Variants in ST18 observed in about 807,000 individuals in gnomAD.
ST18 encodes suppression of tumorigenicity 18 protein.
A neutral mutation model predicts 110.0 loss-of-function variants in ST18; 50 were observed. The ratio of observed to expected loss-of-function variants is 0.45; its 90% CI spans 0.36 to 0.58. The LOEUF is 0.58. ST18 is among the 20% of genes least tolerant of loss of function. The pLI, the probability that ST18 is intolerant of heterozygous loss-of-function variation, is 0.00. For missense variants in ST18, 1,306 were observed against 1,280.1 expected (o/e 1.02, Z -0.31); for synonymous variants, 461 against 452.4 (o/e 1.02, Z -0.24).
intron 2 of ST18, among the ~76,000 whole-genome samples, chr8:52,356,407 A>G (rs765776336): frequency 6.6e-6 from 1 of 152,160 alleles, no homozygotes; most frequent in Non-Finnish European, 1.5e-5. Flanking sequence ...TACACACACA[A>G]AGTCAGACTT....
At chr8:52,315,828 C>T (rs1351261846) in intron 2 of ST18, among the ~76,000 whole-genome samples, 3 of 152,180 alleles carry the variant, frequency 2.0e-5, no homozygotes, top group Non-Finnish European at 4.4e-5. Context: ...ATATACCTCC[C>T]TATTATTTGC....
In ST18 at chr8:52,171,962, T is replaced by C. The variant is rs1446753409; in HGVS notation, c.899A>G (p.Lys300Arg). 1.9e-6 allele frequency: 3 copies of C among 1,614,202 alleles called. No individual in the cohort carries two copies. Among genetic ancestry groups the C allele is most frequent in the East Asian group, 2.2e-5 (1 of 44,880 alleles). ...TEEGSDLEKA[K>R]GNLSLLEQAI... Reference sequence around the variant, plus strand: ...CTGCTCCAGCAAACTTAAATTCCCCTTGGCCTTTTCCAGGTCACTACCCTC... The same window carrying C: ...CTGCTCCAGCAAACTTAAATTCCCCCTGGCCTTTTCCAGGTCACTACCCTC... Residue 300 changes from lysine to arginine, a missense_variant, in exon 10 of 26, where the codon AAG becomes AGG. Physicochemically the swap from Lys to Arg is conservative, Grantham distance 26. Coordinates refer to ENST00000689386, the MANE Select transcript of ST18 (RefSeq NM_001352837.2).
At chr8:52,145,332 T>C (rs1403921533) in intron 16 of ST18, among the ~76,000 whole-genome samples, 2 of 152,176 alleles carry the variant, frequency 1.3e-5, no homozygotes, top group African/African-American at 2.4e-5. Flanking sequence ...TATAGTAATA[T>C]GTGGTAATGT....
intron 3 of ST18, among the ~76,000 whole-genome samples, chr8:52,223,374 T>C (rs538269390): frequency 2.6e-5 from 4 of 152,234 alleles, no homozygotes; most frequent in Non-Finnish European, 4.4e-5. Flanking sequence ...CCAGGTGTGG[T>C]GGCTCACGCC....
chr8:52,386,116 T>G lies in ST18; in HGVS notation c.-465+23212A>C, dbSNP rs916359960. ...TCCTTCATCACAGGAAAACTATAGA[T>G]AGTAGAAACGTCCATCCAATGAGAA... On this transcript the variant is annotated intron_variant, in intron 2 of 25. Transcript: ENST00000689386. Among the ~76,000 whole-genome samples, 3 of 152,144 alleles carry G rather than the reference T, an allele frequency of 2.0e-5. No individual in the cohort carries two copies. The East Asian group carries it at 5.8e-4, about 29-fold the overall frequency.
At chr8:52,158,819 T>C in intron 15 of ST18, 79 bp downstream of exon 15, 3 of 1,496,046 alleles carry the variant, frequency 2.0e-6, no homozygotes, top group Non-Finnish European at 2.8e-6. Flanking sequence ...TGGTAGTGAA[T>C]GTAGTTAGGA....
At chr8:52,380,205 C>T (rs919737573) in intron 2 of ST18, among the ~76,000 whole-genome samples, 15 of 152,132 alleles carry the variant, frequency 9.9e-5, no homozygotes, top group African/African-American at 3.6e-4. Flanking sequence ...CCATTTCAGA[C>T]AAATCATCTT....
intron 2 of ST18, among the ~76,000 whole-genome samples, chr8:52,338,480 A>G (rs1172134010): frequency 6.6e-6 from 1 of 152,104 alleles, no homozygotes; most frequent in East Asian, 1.9e-4. Flanking sequence ...TCCAAGGTAG[A>G]TTGGTACATC....
At chr8:52,337,638 T>C (rs553421934) in intron 2 of ST18, among the ~76,000 whole-genome samples, 66 of 152,320 alleles carry the variant, frequency 4.3e-4, no homozygotes, top group Admixed American at 1.4e-3. Context: ...CCCAGAAAGA[T>C]ATATCACATG....
intron 2 of ST18, chr8:52,404,806 T>G (rs756036197): frequency 5.3e-5 from 8 of 152,256 alleles, no homozygotes; most frequent in Non-Finnish European, 7.3e-5. Flanking sequence ...ATGCTCATAC[T>G]GTTTTTCTAT....
intron 2 of ST18, among the ~76,000 whole-genome samples, chr8:52,335,793 A>G (rs745801110): frequency 5.9e-5 from 9 of 152,084 alleles, no homozygotes; most frequent in South Asian, 2.1e-4. Context: ...TCCTGATTGG[A>G]TATCCTCTCT....
intron 22 of ST18, among the ~76,000 whole-genome samples, chr8:52,128,704 A>G (rs193025345): frequency 1.2e-4 from 19 of 152,324 alleles, no homozygotes; most frequent in Admixed American, 1.2e-3. Context: ...TGCCTGGCCC[A>G]TGGTGAGGAC....
At chr8:52,138,366 C>A (rs1319464724) in intron 17 of ST18, among the ~76,000 whole-genome samples, 1 of 152,168 alleles carries the variant, frequency 6.6e-6, no homozygotes, top group Non-Finnish European at 1.5e-5. Flanking sequence ...GGCCATCTGC[C>A]AAGAATCTCA....
At chr8:52,358,919 AC>A (rs1824389890) in intron 2 of ST18, among the ~76,000 whole-genome samples, 1 of 151,998 alleles carries the variant, frequency 6.6e-6, no homozygotes. Flanking sequence ...GAAGAAAAAA[AC>A]AAAAACCTAT....
At chr8:52,116,515 C>A in intron 24 of ST18, 97 bp from the exon 25 acceptor site, 1 of 1,226,010 alleles carries the variant, frequency 8.2e-7, no homozygotes, top group Admixed American at 2.1e-5. Context: ...CATCTGAATA[C>A]TAAGAGATGC....
At chr8:52,370,270 G>T (rs1829778649) in intron 2 of ST18, among the ~76,000 whole-genome samples, 1 of 152,120 alleles carries the variant, frequency 6.6e-6, no homozygotes, top group Admixed American at 6.5e-5. Context: ...GGCCAAAGTA[G>T]GTTAAGCTCT....
intron 9 of ST18, among the ~76,000 whole-genome samples, chr8:52,176,027 C>G (rs981820184): frequency 1.8e-4 from 26 of 145,438 alleles, no homozygotes; most frequent in Admixed American, 1.6e-3. Context: ...TCAGCTAACT[C>G]TTTTTTTTTT....
At chr8:52,382,146 A>G (rs1389431102) in intron 2 of ST18, among the ~76,000 whole-genome samples, 5 of 152,138 alleles carry the variant, frequency 3.3e-5, no homozygotes, top group Non-Finnish European at 7.4e-5. Context: ...TGGCACCCAA[A>G]CCTGGCAGAG....
At chr8:52,376,563 C>T (rs186182172) in intron 2 of ST18, among the ~76,000 whole-genome samples, 43 of 152,118 alleles carry the variant, frequency 2.8e-4, no homozygotes, top group South Asian at 8.3e-4. Context: ...CTATAGTACT[C>T]ATCATCTTCT....
Sources: allele counts gnomAD v4.1 joint callset (sites outside exome capture counted in the v4.1 genomes callset), GRCh38; gene constraint gnomAD v4.1.1; transcripts MANE v1.5; gene names NCBI Gene and HGNC (gene_info 2026-07-23, HGNC 2026-07-21).